DNAJC24: variants seen among roughly 807,000 people sequenced by gnomAD.
DNAJC24 encodes the protein DnaJ heat shock protein family (Hsp40) member C24.
Under a neutral mutation model 18.0 loss-of-function variants are expected in DNAJC24, and 17 were observed. That is an observed-to-expected ratio of 0.94 (90% CI 0.65 to 1.42). The LOEUF (loss-of-function observed/expected upper bound fraction) is 1.42, where lower values mean the gene tolerates loss of function less well. DNAJC24 is among the 40% of genes most tolerant of loss of function. The pLI, the probability that DNAJC24 is intolerant of heterozygous loss-of-function variation, is 0.00. For synonymous variants in DNAJC24, 55 were observed against 57.7 expected, an observed-to-expected ratio of 0.95 and a Z score of 0.21; for missense variants, 158 against 175.6, an observed-to-expected ratio of 0.90 and a Z score of 0.57.
rs942597517 is a variant in DNAJC24 at position 31,370,805 on chromosome 11, C to T, written c.57C>T (p.Asp19=). 6.2e-7 allele frequency: 1 copy of T among 1,613,152 alleles called. No individual in the cohort carries two copies. ...KKDWYSILGA[D]PSANISDLKQ... ...ATTGGTACAGCATCCTGGGAGCAGA[C>T]CCATCTGCAAATATATCAGACCTAA... Residue 19 remains aspartate (D), a synonymous_variant, in exon 2 of 5, where the codon GAC becomes GAT. Transcript: ENST00000465995.
At chr11:31,426,468 C>CTA (rs1952862201) in intron 4 of DNAJC24, 113 bp downstream of exon 4, 1 of 618,092 alleles carries the variant, frequency 1.6e-6, no homozygotes, top group Non-Finnish European at 2.7e-6. Flanking sequence ...GTGTGGCTTT[C>CTA]TATATATATG....
At chr11:31,386,430 C>T (rs1398313215) in intron 2 of DNAJC24, among the ~76,000 whole-genome samples, 2 of 142,812 alleles carry the variant, frequency 1.4e-5, no homozygotes, top group East Asian at 2.1e-4. Context: ...AATAGGGTAT[C>T]AGGCAGAGTC....
At chr11:31,413,622 G>A (rs994863989) in intron 2 of DNAJC24, among the ~76,000 whole-genome samples, 8 of 152,152 alleles carry the variant, frequency 5.3e-5, no homozygotes, top group African/African-American at 7.2e-5. Flanking sequence ...GTGAGCCACT[G>A]CACCCGGCCA....
At chr11:31,379,022 T>C (rs1051421544) in intron 2 of DNAJC24, among the ~76,000 whole-genome samples, 2 of 152,222 alleles carry the variant, frequency 1.3e-5, no homozygotes, top group Non-Finnish European at 2.9e-5. Flanking sequence ...AGTTTCTTCA[T>C]CTGTAAAAAT....
intron 4 of DNAJC24, chr11:31,427,287 G>A (rs973720445): frequency 6.6e-6 from 1 of 152,124 alleles, no homozygotes; most frequent in African/African-American, 2.4e-5. Flanking sequence ...GCCTAACTTA[G>A]AAAGGGAATC....
chr11:31,381,389 A>G (rs1952375317), intron 2 of DNAJC24, among the ~76,000 whole-genome samples: 1 of 152,140 alleles, frequency 6.6e-6, no homozygotes, highest in Non-Finnish European at 1.5e-5. Context: ...TAAAGATCAA[A>G]TAGATTCTTA....
In DNAJC24 at chr11:31,432,135, C is replaced by T. The variant is rs1188324080; in HGVS notation, c.*1734C>T. Among the ~76,000 whole-genome samples, 7 of 152,078 alleles carry T rather than the reference C, an allele frequency of 4.6e-5. No homozygotes were observed. The highest frequency in any genetic ancestry group is 1.5e-5 in the Non-Finnish European group (1 of 68,016). On this transcript the variant is annotated 3_prime_UTR_variant, in exon 5 of 5. Coordinates refer to ENST00000465995, the MANE Select transcript of DNAJC24 (RefSeq NM_181706.5). ...CATTGTCAGGTTGAACTTATAAATA[C>T]GAATAGTTACTACTCTGACTTGTAA... is the stretch of plus-strand genomic sequence containing the variant.
chr11:31,416,172 G>C (rs912545958), intron 3 of DNAJC24: 1 of 152,060 alleles, frequency 6.6e-6, no homozygotes, highest in African/African-American at 2.4e-5. Context: ...GAACCTGATG[G>C]GTGTACCTTT....
chr11:31,404,954 G>T (rs1231432998), intron 2 of DNAJC24, among the ~76,000 whole-genome samples: 1 of 151,524 alleles, frequency 6.6e-6, no homozygotes, highest in African/African-American at 2.4e-5. Context: ...CTGATCTCTT[G>T]TTGTTATGAC....
chr11:31,376,967 A>C (rs552959271), intron 2 of DNAJC24, among the ~76,000 whole-genome samples: 106 of 152,236 alleles, frequency 7.0e-4, no homozygotes, highest in African/African-American at 2.4e-3. Flanking sequence ...TATTATTTAT[A>C]ATGTTTATCA....
chr11:31,369,949 C>A, intron 1 of DNAJC24, 37 bp downstream of exon 1: 1 of 152,608 alleles, frequency 6.6e-6, no homozygotes, highest in Non-Finnish European at 1.5e-5. Flanking sequence ...GAGAGGGTGC[C>A]CGCCAATGGC....
intron 2 of DNAJC24, among the ~76,000 whole-genome samples, chr11:31,400,458 C>T (rs866265847): frequency 8.5e-5 from 13 of 152,238 alleles, no homozygotes; most frequent in Middle Eastern, 3.4e-3. Context: ...GGAGGTATCA[C>T]GCTACCTGAC....
In DNAJC24 at chr11:31,375,604, A is replaced by C. The variant is rs1435933556; in HGVS notation, c.111+4745A>C. On this transcript the variant is annotated intron_variant, in intron 2 of 4. Transcript: ENST00000465995. ...CAGAGAGGAATAGGATCTGAATCAT[A>C]GGTAGAAGGATTAGCTTTAGGTAAG... Among the ~76,000 whole-genome samples the C allele has an allele frequency of 1.5e-5, 2 of 135,026 alleles. 1 individual carries two copies. Among genetic ancestry groups the C allele is most frequent in the African/African-American group, 5.0e-5 (2 of 40,286 alleles). 88.6% of individuals were successfully genotyped at this position (135,026 alleles called of 152,430 possible). A position where few individuals can be genotyped will look rare whatever the true frequency, so the allele number is the denominator to read the frequency against.
At chr11:31,416,198 G>A (rs542952142) in intron 3 of DNAJC24, 6 of 152,208 alleles carry the variant, frequency 3.9e-5, no homozygotes, top group Admixed American at 3.9e-4. Context: ...TCAAAGCAAA[G>A]GTTAATTTTC....
intron 2 of DNAJC24, among the ~76,000 whole-genome samples, chr11:31,409,115 T>C (rs1267721148): frequency 6.6e-6 from 1 of 152,228 alleles, no homozygotes; most frequent in Non-Finnish European, 1.5e-5. Context: ...CTAATTCATG[T>C]TAGTTTTTCC....
rs1479243156 is a variant in DNAJC24, at chr11:31,375,742, T to C, written c.111+4883T>C. ...AGCGGAAAGTTGATGAGCTCTCATT[T>C]GGTACCTTCTTTTTATTCTCTGTGA... On this transcript the variant is annotated intron_variant, in intron 2 of 4. Transcript: ENST00000465995. Among the ~76,000 whole-genome samples, 3 of 135,334 alleles carry C rather than the reference T, an allele frequency of 2.2e-5. 1 individual carries two copies. Among genetic ancestry groups the C allele is most frequent in the Non-Finnish European group, 5.1e-5 (3 of 58,482 alleles). The allele number at this position is 135,334 out of a possible 152,430, so 88.8% of individuals were successfully genotyped here. A position where few individuals can be genotyped will look rare whatever the true frequency, so the allele number is the denominator to read the frequency against.
chr11:31,372,085 A>T (rs1380473358), intron 2 of DNAJC24, among the ~76,000 whole-genome samples: 1 of 151,270 alleles, frequency 6.6e-6, no homozygotes, highest in Non-Finnish European at 1.5e-5. Flanking sequence ...AGCCTCCCAA[A>T]GTCCTGGTAT....
intron 2 of DNAJC24, among the ~76,000 whole-genome samples, chr11:31,380,205 T>C (rs1952362810): frequency 6.6e-6 from 1 of 152,126 alleles, no homozygotes; most frequent in African/African-American, 2.4e-5. Context: ...TTTCAGAAAC[T>C]GAAAGAATCT....
chr11:31,414,546 A>G (rs1189844933), intron 2 of DNAJC24, among the ~76,000 whole-genome samples: 1 of 152,160 alleles, frequency 6.6e-6, no homozygotes, highest in African/African-American at 2.4e-5. Flanking sequence ...CCATGAGACC[A>G]AGGATTCCAT....
Sources: allele counts gnomAD v4.1 joint callset (sites outside exome capture counted in the v4.1 genomes callset), GRCh38; gene constraint gnomAD v4.1.1; transcripts MANE v1.5; gene names NCBI Gene and HGNC (gene_info 2026-07-23, HGNC 2026-07-21).